SPNS2: variants seen among roughly 807,000 people sequenced by gnomAD.
SPNS2 encodes SPNS lysolipid transporter 2, sphingosine-1-phosphate.
In SPNS2, 37 loss-of-function variants were observed where a neutral mutation model predicts 57.6. The ratio of observed to expected loss-of-function variants is 0.64; its 90% confidence interval spans 0.49 to 0.85. SPNS2 has a LOEUF of 0.85. SPNS2 is among the 40% of genes least tolerant of loss of function. The pLI is 0.00. For synonymous variants in SPNS2, 440 were observed against 346.9 expected, an observed-to-expected ratio of 1.27 and a Z score of -2.98; for missense variants, 831 against 779.1, an observed-to-expected ratio of 1.07 and a Z score of -0.79.
rs79772744 is a variant in SPNS2, at chr17:4,530,979, C to G, written c.726-74C>G. The stretch of plus-strand genomic sequence containing the variant: ...TGGGTGGGGAGGGTGGGCAGCCTGC[C>G]TTGCAGACCAGCGGGCACTCCCTGT... On this transcript the variant is annotated intron_variant, in intron 4 of 12. Coordinates refer to ENST00000329078, the MANE Select transcript of SPNS2 (RefSeq NM_001124758.3). 33 of 1,567,480 alleles carry G rather than the reference C, an allele frequency of 2.1e-5. No homozygotes were observed. In the African/African-American group the frequency reaches 3.9e-4, roughly 19 times the overall value.
rs901084421 is a variant in SPNS2, at chr17:4,538,475, G to C, written c.*1027G>C. ...GCATTCCACCAAGTGACCCCAGGGG[G>C]GGGCCAGGCCTTCGATCACCCACCT... is the stretch of plus-strand genomic sequence containing the variant. On this transcript the variant is annotated 3_prime_UTR_variant, in exon 13 of 13. Coordinates refer to ENST00000329078, the MANE Select transcript of SPNS2 (RefSeq NM_001124758.3). 1.6e-5 allele frequency: 1 copy of C among 62,384 alleles called. No individual in the cohort carries two copies. The highest frequency in any genetic ancestry group is 1.3e-4 in the South Asian group (1 of 7,426). The allele number at this position is 62,384 out of a possible 1,614,324, so 3.9% of individuals were successfully genotyped here. A position where few individuals can be genotyped will look rare whatever the true frequency, so the allele number is the denominator to read the frequency against.
At chr17:4,537,235 C>T (rs1463947810) in intron 12 of SPNS2, among the ~76,000 whole-genome samples, 2 of 152,214 alleles carry the variant, frequency 1.3e-5, no homozygotes, top group Non-Finnish European at 2.9e-5. Flanking sequence ...TCTGTCCGGA[C>T]TTCTGTTCTC....
intron 1 of SPNS2, among the ~76,000 whole-genome samples, chr17:4,502,204 C>A (rs1904537244): frequency 6.6e-6 from 1 of 151,868 alleles, no homozygotes; most frequent in Non-Finnish European, 1.5e-5. Flanking sequence ...GGTGAAACCC[C>A]CCATCTCTAC....
At chr17:4,516,316 C>A (rs1335625743) in intron 2 of SPNS2, among the ~76,000 whole-genome samples, 681 of 67,444 alleles carry the variant, frequency 0.01, 59 homozygotes, top group African/African-American at 0.03. Flanking sequence ...TCTATCTCCC[C>A]AAAAAAAAAA....
At chr17:4,535,454 C>G (rs1470626464) in intron 9 of SPNS2, among the ~76,000 whole-genome samples, 1 of 152,114 alleles carries the variant, frequency 6.6e-6, no homozygotes, top group Non-Finnish European at 1.5e-5. Context: ...GGTTCAGGTT[C>G]CCTCGGGAAC....
At position 4,536,996 on chromosome 17, in the gene SPNS2, G is replaced by A. The variant is rs754912549; in HGVS notation, c.*4+50G>A. 5 of 1,600,570 alleles carry A rather than the reference G, an allele frequency of 3.1e-6. No individual in the cohort carries two copies. In the East Asian group the frequency reaches 9.0e-5, roughly 29 times the overall value. On this transcript the variant is annotated intron_variant, in intron 12 of 12. Transcript: ENST00000329078. Reference sequence around the variant, plus strand: ...GGGGGCTCCCTAAGGAAAGGGGAAGGCCAGGGTTAGGCAACAGGGAGCACT... The same window carrying A: ...GGGGGCTCCCTAAGGAAAGGGGAAGACCAGGGTTAGGCAACAGGGAGCACT...
intron 2 of SPNS2, among the ~76,000 whole-genome samples, chr17:4,522,451 C>G (rs1454889065): frequency 6.6e-6 from 1 of 152,178 alleles, no homozygotes; most frequent in Non-Finnish European, 1.5e-5. Flanking sequence ...ACACCCACCA[C>G]CCACGCGCAC....
Position 4,536,805 on chromosome 17 carries a change from G to C in SPNS2, c.1608-95G>C, listed in dbSNP as rs778998975. ...GACGAGGTCCCTGCCCAGCACCTCC[G>C]GTCAGCTGGCCCCCACGACACGATG... On this transcript the variant is annotated intron_variant, in intron 11 of 12. Coordinates refer to ENST00000329078, the MANE Select transcript of SPNS2 (RefSeq NM_001124758.3). 4.8e-6 allele frequency: 5 copies of C among 1,044,666 alleles called. No homozygotes were observed. The African/African-American group carries it at 6.3e-5, about 13-fold the overall frequency. The allele number at this position is 1,044,666 out of a possible 1,614,324, so 64.7% of individuals were successfully genotyped here.
rs1016962655 is a variant in SPNS2, at chr17:4,499,350, G to C, written c.303G>C (p.Arg101=). The change falls in exon 1 of 13, where the codon CGG becomes CGC. Residue 101 remains arginine (R), a synonymous_variant. Transcript: ENST00000329078. The surrounding 1 kb of genome is among the most constrained non-coding windows in gnomAD (Gnocchi z 5.2). ...AACCGGCCAGCTTGGGCCGCGGGCG[G>C]GGGGCAGCCGCCGCCATCCTCAGCT... ...QPKPASLGRG[R]GAAAAILSLG... 1 of 1,450,946 alleles carries C rather than the reference G, an allele frequency of 6.9e-7. No individual in the cohort carries two copies. Among genetic ancestry groups the C allele is most frequent in the Admixed American group, 2.7e-5 (1 of 36,758 alleles). The allele number at this position is 1,450,946 out of a possible 1,614,324, so 89.9% of individuals were successfully genotyped here.
At chr17:4,519,812 G>A (rs553553528) in intron 2 of SPNS2, among the ~76,000 whole-genome samples, 2 of 152,332 alleles carry the variant, frequency 1.3e-5, no homozygotes, top group African/African-American at 4.8e-5. Flanking sequence ...GCTGGCCTCT[G>A]TGTCCCCATC....
At chr17:4,513,338 C>G (rs548347508) in intron 2 of SPNS2, 26 bp downstream of exon 2, 14 of 1,612,524 alleles carry the variant, frequency 8.7e-6, no homozygotes, top group South Asian at 2.2e-5. Context: ...CACCTTCCCC[C>G]CCACGCCCAG....
In SPNS2 at chr17:4,538,735, G is replaced by A. The variant is rs970330515; in HGVS notation, c.*1287G>A. 1.6e-5 allele frequency: 11 copies of A among 681,718 alleles called. No individual in the cohort carries two copies. Among genetic ancestry groups the A allele is most frequent in the East Asian group, 1.0e-4 (4 of 38,968 alleles). The allele number at this position is 681,718 out of a possible 1,614,324, so 42.2% of individuals were successfully genotyped here. A position where few individuals can be genotyped will look rare whatever the true frequency, so the allele number is the denominator to read the frequency against. On this transcript the variant is annotated 3_prime_UTR_variant, in exon 13 of 13. Coordinates refer to ENST00000329078, the MANE Select transcript of SPNS2 (RefSeq NM_001124758.3). ...GTTACTGGCTGGCTGTGGCTTCAGT[G>A]GTGTGTAAGCAGGTGGAATACTCAC...
At position 4,529,180 on chromosome 17, in the gene SPNS2, C is replaced by T. The variant is rs375924182; in HGVS notation, c.574-1452C>T. On this transcript the variant is annotated intron_variant, in intron 3 of 12. Transcript: ENST00000329078. ...TGAACTCCTGGCCTTGTGATCCACC[C>T]GACTCAGCCTCCCAAAGTGCTGGGA... is the stretch of plus-strand genomic sequence containing the variant. 2.4e-4 allele frequency among the ~76,000 whole-genome samples: 37 copies of T among 151,458 alleles called. 1 individual carries two copies. Among genetic ancestry groups the T allele is most frequent in the African/African-American group, 8.5e-4 (35 of 41,308 alleles).
chr17:4,530,863 G>T, intron 4 of SPNS2, 80 bp downstream of exon 4: 1 of 1,550,224 alleles, frequency 6.5e-7, no homozygotes, highest in Non-Finnish European at 8.7e-7. Flanking sequence ...CACTCCCTGG[G>T]GTTCTAGCCC....
At chr17:4,503,337 C>G (rs1229301318) in intron 1 of SPNS2, among the ~76,000 whole-genome samples, 1 of 152,210 alleles carries the variant, frequency 6.6e-6, no homozygotes, top group Non-Finnish European at 1.5e-5. Context: ...GCAGTTTGAG[C>G]TCCCCTAGGG....
At chr17:4,534,067 C>T (rs1256100335) in intron 9 of SPNS2, among the ~76,000 whole-genome samples, 2 of 152,044 alleles carry the variant, frequency 1.3e-5, no homozygotes, top group African/African-American at 2.4e-5. Flanking sequence ...GACAGAGCAC[C>T]ATGTGGAGAC....
intron 2 of SPNS2, among the ~76,000 whole-genome samples, chr17:4,522,737 G>A (rs1330967665): frequency 1.3e-5 from 2 of 152,218 alleles, no homozygotes; most frequent in Admixed American, 6.5e-5. Context: ...CATCAGCTGT[G>A]GGACTGCTTT....
At chr17:4,536,504 G>T (rs1905818004) in intron 11 of SPNS2, 78 bp downstream of exon 11, 4 of 1,496,518 alleles carry the variant, frequency 2.7e-6, no homozygotes, top group Admixed American at 1.8e-5. Context: ...CCCTGCCCTG[G>T]GGTGGGGCGG....
Position 4,536,272 on chromosome 17 carries a change from C to T in SPNS2, c.1453C>T (p.Leu485=). Residue 485 remains leucine (L), a synonymous_variant, in exon 11 of 13, where the codon CTG becomes TTG. Transcript: ENST00000329078. ...SPYLIGFISD[L]IRQSTKDSPL... ...CCCCAAATCCTCGCAGATCTCAGAC[C>T]TGATCCGCCAGAGCACTAAGGACTC... The T allele has an allele frequency of 1.2e-6, 2 of 1,612,282 alleles. No homozygotes were observed. The highest frequency in any genetic ancestry group is 1.7e-6 in the Non-Finnish European group (2 of 1,179,808).
Sources: allele counts gnomAD v4.1 joint callset (sites outside exome capture counted in the v4.1 genomes callset), GRCh38; gene constraint gnomAD v4.1.1; non-coding constraint Gnocchi (gnomAD v3.1); transcripts MANE v1.5; gene names NCBI Gene and HGNC (gene_info 2026-07-23, HGNC 2026-07-21).